The following TSHZ2 variants were observed in gnomAD, a reference collection of about 807,000 sequenced individuals.
TSHZ2 encodes the protein teashirt zinc finger homeobox 2, also known as teashirt homolog 2.
Under a neutral mutation model 74.4 loss-of-function variants are expected in TSHZ2, and 21 were observed. The ratio of observed to expected loss-of-function variants is 0.28; its 90% CI spans 0.20 to 0.41. TSHZ2 has a LOEUF of 0.41. TSHZ2 is among the 10% of genes least tolerant of loss of function. The probability of loss-of-function intolerance (pLI) is 1.00; values close to 1 mark genes in which losing one functional copy is unlikely to be tolerated. For synonymous variants in TSHZ2, 540 were observed against 515.3 expected, an observed-to-expected ratio of 1.05 and a Z score of -0.65; for missense variants, 1,244 against 1,293.5, an observed-to-expected ratio of 0.96 and a Z score of 0.59.
chr20:53,494,403 C>T lies in TSHZ2; in HGVS notation c.*7268C>T, dbSNP rs191102667. 1 of 152,242 alleles carries T rather than the reference C, an allele frequency of 6.6e-6. No homozygotes were observed. The highest frequency in any genetic ancestry group is 1.9e-4 in the East Asian group (1 of 5,182). The allele number at this position is 152,242 out of a possible 1,614,324, so 9.4% of individuals were successfully genotyped here. On this transcript the variant is annotated 3_prime_UTR_variant, in exon 3 of 3. Transcript: ENST00000371497. ...AATCTGATCTTGAACTCCCACATAA[C>T]TTAAATCAGGCAAAAAGAAACATTC...
At chr20:53,329,133 A>T (rs987685872) in intron 2 of TSHZ2, among the ~76,000 whole-genome samples, 5 of 152,070 alleles carry the variant, frequency 3.3e-5, no homozygotes, top group African/African-American at 4.8e-5. Context: ...GTTTCTCATC[A>T]CTCGAATGCA....
intron 1 of TSHZ2, among the ~76,000 whole-genome samples, chr20:53,100,574 A>T (rs1011560222): frequency 1.8e-4 from 28 of 152,150 alleles, no homozygotes; most frequent in African/African-American, 6.5e-4. Context: ...GTGAGGGGGC[A>T]TCTGTTTGCT....
intron 2 of TSHZ2, among the ~76,000 whole-genome samples, chr20:53,265,186 A>G (rs1245724865): frequency 6.6e-6 from 1 of 152,154 alleles, no homozygotes; most frequent in African/African-American, 2.4e-5. Flanking sequence ...AGGTTCAGTG[A>G]CTTAACCCAG....
chr20:53,204,535 A>T (rs1029148053), intron 1 of TSHZ2, among the ~76,000 whole-genome samples: 5 of 152,048 alleles, frequency 3.3e-5, no homozygotes, highest in African/African-American at 1.2e-4. Context: ...CTACTGAAGC[A>T]TATGAAATTC....
At chr20:53,109,150 A>G (rs112435828) in intron 1 of TSHZ2, among the ~76,000 whole-genome samples, 55 of 152,332 alleles carry the variant, frequency 3.6e-4, no homozygotes, top group African/African-American at 1.3e-3. Context: ...CTGAAATACA[A>G]AAATACACTT....
At chr20:52,987,498 CCT>C (rs1981817532) in intron 1 of TSHZ2, among the ~76,000 whole-genome samples, 1 of 149,156 alleles carries the variant, frequency 6.7e-6, no homozygotes, top group Admixed American at 6.7e-5. Flanking sequence ...TCTCTCTTTC[CCT>C]CTCTCTTTCT....
At chr20:53,015,356 T>C (rs942274051) in intron 1 of TSHZ2, among the ~76,000 whole-genome samples, 5 of 152,174 alleles carry the variant, frequency 3.3e-5, no homozygotes, top group African/African-American at 4.8e-5. Flanking sequence ...CCAGAGGACA[T>C]TTTTTTGTTA....
At chr20:53,459,937 G>A (rs547275575) in intron 2 of TSHZ2, among the ~76,000 whole-genome samples, 64 of 152,282 alleles carry the variant, frequency 4.2e-4, no homozygotes, top group Middle Eastern at 3.4e-3. Flanking sequence ...CTGTTAGTCT[G>A]ATGGGCTTCC....
At chr20:53,023,786 T>G (rs1443506083) in intron 1 of TSHZ2, among the ~76,000 whole-genome samples, 3 of 152,230 alleles carry the variant, frequency 2.0e-5, no homozygotes, top group African/African-American at 4.8e-5. Context: ...TTTTCTTTCC[T>G]GGATTTTCTA....
intron 1 of TSHZ2, among the ~76,000 whole-genome samples, chr20:53,135,322 C>T (rs1032164394): frequency 2.0e-5 from 3 of 152,150 alleles, no homozygotes; most frequent in East Asian, 1.9e-4. Context: ...ACCCTACTCC[C>T]GGTCAACCTT....
chr20:53,328,954 T>G (rs1979606095), intron 2 of TSHZ2, among the ~76,000 whole-genome samples: 1 of 152,226 alleles, frequency 6.6e-6, no homozygotes. Flanking sequence ...AATCAGCAAT[T>G]AAATACATCA....
chr20:53,216,361 G>A lies in TSHZ2; in HGVS notation c.41-37138G>A, dbSNP rs536306216. Among the ~76,000 whole-genome samples the A allele has an allele frequency of 6.6e-5, 10 of 152,300 alleles. No individual in the cohort carries two copies. The East Asian group carries it at 1.2e-3, about 18-fold the overall frequency. On this transcript the variant is annotated intron_variant, in intron 1 of 2. Coordinates refer to ENST00000371497, the MANE Select transcript of TSHZ2 (RefSeq NM_173485.6). Reference sequence around the variant, plus strand: ...ACAGGTAGTCAGGTAAAGCTGGAGTGAGGACAAATGGGACTGGGGTGGCGG... The same window carrying A: ...ACAGGTAGTCAGGTAAAGCTGGAGTAAGGACAAATGGGACTGGGGTGGCGG...
intron 2 of TSHZ2, among the ~76,000 whole-genome samples, chr20:53,446,821 T>C (rs976490266): frequency 2.6e-5 from 4 of 152,092 alleles, no homozygotes; most frequent in African/African-American, 9.7e-5. Flanking sequence ...TCTACAGAAG[T>C]CCCAGCTCCT....
At chr20:53,062,164 C>T (rs1040570184) in intron 1 of TSHZ2, among the ~76,000 whole-genome samples, 2 of 152,132 alleles carry the variant, frequency 1.3e-5, no homozygotes, top group Admixed American at 1.3e-4. Flanking sequence ...GCCACATCAC[C>T]AGTTAACCTC....
chr20:53,412,525 G>A (rs1983089592), intron 2 of TSHZ2: 1 of 152,206 alleles, frequency 6.6e-6, no homozygotes, highest in Admixed American at 6.5e-5. Context: ...CCATCTCCAG[G>A]GAAACAAGCT....
chr20:53,466,102 C>T (rs1297947848), intron 2 of TSHZ2, among the ~76,000 whole-genome samples: 1 of 151,854 alleles, frequency 6.6e-6, no homozygotes, highest in Non-Finnish European at 1.5e-5. Context: ...CAAAAATTAG[C>T]TGGGTGTGAT....
At chr20:53,481,123 A>C (rs1247039139) in intron 2 of TSHZ2, among the ~76,000 whole-genome samples, 1 of 151,870 alleles carries the variant, frequency 6.6e-6, no homozygotes, top group Non-Finnish European at 1.5e-5. Context: ...TTTTTTTCTC[A>C]ATCTGTTCTA....
chr20:53,003,495 G>A (rs1457028289), intron 1 of TSHZ2, among the ~76,000 whole-genome samples: 1 of 152,118 alleles, frequency 6.6e-6, no homozygotes, highest in Admixed American at 6.6e-5. Context: ...CTGTAATCTG[G>A]TAAAATGTGT....
intron 2 of TSHZ2, among the ~76,000 whole-genome samples, chr20:53,257,815 C>G (rs553993495): frequency 6.6e-6 from 1 of 152,164 alleles, no homozygotes; most frequent in Non-Finnish European, 1.5e-5. Flanking sequence ...TCTTAATTCA[C>G]GATCGAATAT....
Sources: gnomAD v4.1 joint callset for allele counts (sites outside exome capture counted in the v4.1 genomes callset) on GRCh38, gnomAD v4.1.1 for gene constraint, MANE v1.5 for transcripts, NCBI Gene and HGNC (gene_info 2026-07-23, HGNC 2026-07-21) for gene names.